PRKN: variants seen among roughly 807,000 people sequenced by gnomAD.
The protein encoded by PRKN is E3 ubiquitin-protein ligase parkin.
A neutral mutation model predicts 59.5 loss-of-function variants in PRKN; 56 were observed. That is an observed-to-expected ratio of 0.94 (90% CI 0.76 to 1.18). PRKN has a LOEUF of 1.18. Ranked by LOEUF, PRKN falls within the 50% of genes most tolerant of loss-of-function variation. PRKN has a pLI of 0.00. For synonymous variants in PRKN, 250 were observed against 222.1 expected, an observed-to-expected ratio of 1.13 and a Z score of -1.12; for missense variants, 657 against 596.4, an observed-to-expected ratio of 1.10 and a Z score of -1.06.
At chr6:162,003,802 T>C (rs1782150139) in intron 5 of PRKN, among the ~76,000 whole-genome samples, 2 of 152,180 alleles carry the variant, frequency 1.3e-5, no homozygotes, top group African/African-American at 2.4e-5. Flanking sequence ...CAATATTTTA[T>C]AAAAGTCAAT....
chr6:162,377,634 G>T (rs1050780181), intron 2 of PRKN, among the ~76,000 whole-genome samples: 4 of 152,178 alleles, frequency 2.6e-5, no homozygotes, highest in Admixed American at 2.0e-4. Context: ...TCGGCTCCCT[G>T]ATGTCATGCC....
intron 7 of PRKN, among the ~76,000 whole-genome samples, chr6:161,627,026 T>C (rs1216092985): frequency 1.3e-5 from 2 of 152,246 alleles, no homozygotes; most frequent in Non-Finnish European, 2.9e-5. Flanking sequence ...CCAAATTTTC[T>C]TTAGAAGCTT....
intron 6 of PRKN, among the ~76,000 whole-genome samples, chr6:161,820,802 AAC>A (rs1791991967): frequency 6.6e-6 from 1 of 151,008 alleles, no homozygotes; most frequent in Admixed American, 6.6e-5. Context: ...TTAAATTGCA[AAC>A]AACTTAAATT....
rs58765166 is a variant in PRKN, at chr6:161,733,797, T to TATATATATATATATATATATAC, written c.871+51974_871+51975insGTATATATATATATATATATAT. Among the ~76,000 whole-genome samples the TATATATATATATATATATATAC allele has an allele frequency of 2.2e-3, 184 of 81,860 alleles. 2 individuals are homozygous for TATATATATATATATATATATAC. The highest frequency in any genetic ancestry group is 6.1e-3 in the Middle Eastern group (1 of 164). The allele number at this position is 81,860 out of a possible 152,430, so 53.7% of individuals were successfully genotyped here. On this transcript the variant is annotated intron_variant, in intron 7 of 11. Coordinates refer to ENST00000366898, the MANE Select transcript of PRKN (RefSeq NM_004562.3). ...AAAAAAAAAAAAATATATATATATA[T>TATATATATATATATATATATAC]GTATATATATATATATATATATATG... is the stretch of plus-strand genomic sequence containing the variant.
At chr6:161,930,886 G>A (rs1454223752) in intron 6 of PRKN, among the ~76,000 whole-genome samples, 2 of 152,186 alleles carry the variant, frequency 1.3e-5, no homozygotes, top group Non-Finnish European at 2.9e-5. Flanking sequence ...AAGGGGCCAT[G>A]GGCCCAGGAA....
intron 2 of PRKN, among the ~76,000 whole-genome samples, chr6:162,335,138 C>T (rs780696674): frequency 1.3e-5 from 2 of 151,962 alleles, no homozygotes; most frequent in African/African-American, 2.4e-5. Flanking sequence ...CTCAGCCTCC[C>T]GAGTACCTGT....
At chr6:161,878,331 A>G (rs912871766) in intron 6 of PRKN, among the ~76,000 whole-genome samples, 5 of 152,190 alleles carry the variant, frequency 3.3e-5, no homozygotes. Context: ...ACTCACTCAT[A>G]TAACCAGGAA....
chr6:162,271,045 T>G (rs1780365352), intron 2 of PRKN, among the ~76,000 whole-genome samples: 4 of 132,656 alleles, frequency 3.0e-5, no homozygotes, highest in Admixed American at 1.6e-4. Flanking sequence ...TTTGTAGAGA[T>G]GGGATCTCAC....
intron 7 of PRKN, among the ~76,000 whole-genome samples, chr6:161,702,224 C>T (rs545715611): frequency 1.4e-4 from 22 of 152,018 alleles, no homozygotes; most frequent in Non-Finnish European, 2.5e-4. Context: ...AGAAATTCTA[C>T]CAAAATTAGG....
At chr6:162,351,979 A>C (rs1282610572) in intron 2 of PRKN, among the ~76,000 whole-genome samples, 1 of 152,158 alleles carries the variant, frequency 6.6e-6, no homozygotes, top group Non-Finnish European at 1.5e-5. Flanking sequence ...AAAGGTAGAC[A>C]CCAGCAAGCT....
At chr6:162,585,562 C>CTGTT (rs1446214086) in intron 1 of PRKN, among the ~76,000 whole-genome samples, 1 of 152,056 alleles carries the variant, frequency 6.6e-6, no homozygotes, top group African/African-American at 2.4e-5. Context: ...CTCTTATTTC[C>CTGTT]TGTTAGCAGT....
rs1362079054 is a variant in PRKN at position 162,514,843 on chromosome 6, A to G, written c.8-71370T>C. 2.0e-5 allele frequency among the ~76,000 whole-genome samples: 3 copies of G among 152,210 alleles called. No homozygotes were observed. The South Asian group carries it at 6.2e-4, about 32-fold the overall frequency. On this transcript the variant is annotated intron_variant, in intron 1 of 11. Transcript: ENST00000366898. ...AGACTATATTTTAGACTAAAATTAG[A>G]CTAAAACTATAATTTTTCTTTAATT... is the stretch of plus-strand genomic sequence containing the variant.
At chr6:162,316,443 T>C (rs9458513) in intron 2 of PRKN, among the ~76,000 whole-genome samples, 38,979 of 151,964 alleles carry the variant, frequency 0.26, 6,385 homozygotes, top group East Asian at 0.53. Flanking sequence ...AAGACCAATT[T>C]AAGCATAGGT....
At chr6:162,360,680 A>G (rs1785096587) in intron 2 of PRKN, among the ~76,000 whole-genome samples, 1 of 152,212 alleles carries the variant, frequency 6.6e-6, no homozygotes. Context: ...AGTCAAAAGT[A>G]AACACCGACA....
intron 3 of PRKN, among the ~76,000 whole-genome samples, chr6:162,243,488 TG>T: frequency 6.6e-6 from 1 of 152,076 alleles, no homozygotes; most frequent in Non-Finnish European, 1.5e-5. Context: ...GTTGATCATT[TG>T]AAAAAAAAGT....
intron 4 of PRKN, among the ~76,000 whole-genome samples, chr6:162,082,693 G>A (rs772456315): frequency 2.6e-5 from 4 of 151,964 alleles, no homozygotes; most frequent in Admixed American, 1.3e-4. Context: ...AGTGAGAGAC[G>A]TGCCATTCCT....
intron 1 of PRKN, among the ~76,000 whole-genome samples, chr6:162,643,432 A>C (rs1778045041): frequency 6.6e-6 from 1 of 151,704 alleles, no homozygotes; most frequent in African/African-American, 2.4e-5. Context: ...AAGAACAACA[A>C]GCATATTTTT....
At chr6:161,730,199 T>C (rs1413542893) in intron 7 of PRKN, among the ~76,000 whole-genome samples, 1 of 151,508 alleles carries the variant, frequency 6.6e-6, no homozygotes, top group South Asian at 2.1e-4. Flanking sequence ...TGTTGCATTC[T>C]TTCTGTGTTG....
At chr6:162,286,901 C>T (rs1002237254) in intron 2 of PRKN, among the ~76,000 whole-genome samples, 2 of 152,168 alleles carry the variant, frequency 1.3e-5, no homozygotes, top group East Asian at 3.8e-4. Flanking sequence ...GATTTGCATC[C>T]AGGTTCATCT....
Sources: allele counts gnomAD v4.1 joint callset (sites outside exome capture counted in the v4.1 genomes callset), GRCh38; gene constraint gnomAD v4.1.1; transcripts MANE v1.5; gene names NCBI Gene and HGNC (gene_info 2026-07-23, HGNC 2026-07-21).